The following RGS18 variants were observed in gnomAD, a reference collection of about 807,000 sequenced individuals.
RGS18 encodes regulator of G-protein signaling 18.
RGS18 carries 22 observed loss-of-function variants against 27.6 expected under a neutral mutation model. The observed-to-expected ratio is 0.80, with a 90% confidence interval of 0.57 to 1.14. The LOEUF is 1.14. Among genes scored for constraint, RGS18 ranks in the 50% most tolerant of loss-of-function variants. The pLI is 0.00. For missense variants in RGS18, 299 were observed against 269.6 expected (o/e 1.11, Z -0.76); for synonymous variants, 89 against 84.6 (o/e 1.05, Z -0.29).
rs573933190 is a variant in RGS18 at position 192,183,584 on chromosome 1, C to T, written c.451-713C>T. Among the ~76,000 whole-genome samples, 3 of 151,578 alleles carry T rather than the reference C, an allele frequency of 2.0e-5. No homozygotes were observed. In the South Asian group the frequency reaches 6.2e-4, roughly 31 times the overall value. Reference sequence around the variant, plus strand: ...CAGGAGAGAAGAAACAGATGAAATGCTAGTCAAGAATAGAGGAAAAAACCC... The same window carrying T: ...CAGGAGAGAAGAAACAGATGAAATGTTAGTCAAGAATAGAGGAAAAAACCC... On this transcript the variant is annotated intron_variant, in intron 4 of 4. Coordinates refer to ENST00000367460, the MANE Select transcript of RGS18 (RefSeq NM_130782.3).
chr1:192,163,822 A>G (rs1355957299), intron 3 of RGS18, among the ~76,000 whole-genome samples: 1 of 151,096 alleles, frequency 6.6e-6, no homozygotes, highest in African/African-American at 2.4e-5. Flanking sequence ...GTTTATTTCT[A>G]TTTATTTGAC....
chr1:192,170,102 G>A (rs893873764), intron 3 of RGS18, among the ~76,000 whole-genome samples: 11 of 152,136 alleles, frequency 7.2e-5, no homozygotes, highest in African/African-American at 2.4e-4. Context: ...CAGGCCAGTT[G>A]GTGCATAGAT....
intron 3 of RGS18, among the ~76,000 whole-genome samples, chr1:192,174,998 G>A (rs1656333339): frequency 6.6e-6 from 1 of 151,458 alleles, no homozygotes; most frequent in African/African-American, 2.4e-5. Flanking sequence ...ACCTTATTTA[G>A]ATTAAGTAAA....
intron 3 of RGS18, among the ~76,000 whole-genome samples, chr1:192,171,592 C>T (rs1427118280): frequency 6.6e-6 from 1 of 151,924 alleles, no homozygotes; most frequent in Non-Finnish European, 1.5e-5. Context: ...AATGAAGAGG[C>T]CGTGGTGCAG....
intron 3 of RGS18, chr1:192,169,293 C>T (rs1225488254): frequency 1.3e-5 from 2 of 152,084 alleles, no homozygotes; most frequent in African/African-American, 4.8e-5. Flanking sequence ...CACGCTTATG[C>T]ATAACATGTG....
Position 192,184,637 on chromosome 1 carries a change from C to A in RGS18, c.*83C>A. 3 of 1,348,276 alleles carry A rather than the reference C, an allele frequency of 2.2e-6. No homozygotes were observed. The highest frequency in any genetic ancestry group is 1.4e-5 in the South Asian group (1 of 72,660). The allele number at this position is 1,348,276 out of a possible 1,614,324, so 83.5% of individuals were successfully genotyped here. A position where few individuals can be genotyped will look rare whatever the true frequency, so the allele number is the denominator to read the frequency against. On this transcript the variant is annotated 3_prime_UTR_variant, in exon 5 of 5. Coordinates refer to ENST00000367460, the MANE Select transcript of RGS18 (RefSeq NM_130782.3). ...GCATGTTTATGTTAAGATTTGGTCC[C>A]ATCCTTTAAACTGAAATATGTCATG...
chr1:192,159,425 C>A lies in RGS18; in HGVS notation c.221+104C>A, dbSNP rs1656031532. 6 of 712,140 alleles carry A rather than the reference C, an allele frequency of 8.4e-6. No individual in the cohort carries two copies. In the South Asian group the frequency reaches 8.7e-5, roughly 10 times the overall value. The allele number at this position is 712,140 out of a possible 1,614,324, so 44.1% of individuals were successfully genotyped here. A position where few individuals can be genotyped will look rare whatever the true frequency, so the allele number is the denominator to read the frequency against. ...TTCTGATTTATTGAAAATTACACAG[C>A]AATATAAGGAAAGTTAGAAATTTCA... On this transcript the variant is annotated intron_variant, in intron 2 of 4. Transcript: ENST00000367460.
At chr1:192,183,835 A>T (rs1199820886) in intron 4 of RGS18, among the ~76,000 whole-genome samples, 1 of 151,650 alleles carries the variant, frequency 6.6e-6, no homozygotes, top group Non-Finnish European at 1.5e-5. Context: ...AAATAACTTC[A>T]ATTGGTTCAT....
intron 3 of RGS18, among the ~76,000 whole-genome samples, chr1:192,164,706 G>A (rs1203945971): frequency 2.6e-5 from 4 of 152,052 alleles, no homozygotes; most frequent in Non-Finnish European, 5.9e-5. Context: ...CCGAAAGAAG[G>A]GACCAGCTGA....
chr1:192,166,803 G>T (rs1656170837), intron 3 of RGS18, among the ~76,000 whole-genome samples: 1 of 152,100 alleles, frequency 6.6e-6, no homozygotes, highest in African/African-American at 2.4e-5. Context: ...AACATTTTTT[G>T]TCCATGGTAA....
chr1:192,180,459 T>G (rs1656431284), intron 3 of RGS18, among the ~76,000 whole-genome samples: 1 of 151,720 alleles, frequency 6.6e-6, no homozygotes, highest in African/African-American at 2.4e-5. Flanking sequence ...TCCACAAGAC[T>G]TAATACCTGC....
intron 3 of RGS18, among the ~76,000 whole-genome samples, chr1:192,165,591 C>A (rs1185915638): frequency 1.3e-5 from 2 of 152,156 alleles, no homozygotes; most frequent in Admixed American, 6.5e-5. Context: ...TGTGCTCTTT[C>A]CCTTTATTTC....
chr1:192,162,802 C>T (rs1027770266), intron 3 of RGS18, among the ~76,000 whole-genome samples: 20 of 152,120 alleles, frequency 1.3e-4, no homozygotes, highest in African/African-American at 4.3e-4. Flanking sequence ...TTTGGTACTG[C>T]ACTGCCCTTT....
intron 3 of RGS18, among the ~76,000 whole-genome samples, chr1:192,172,882 T>TATATATATATAA (rs1407068832): frequency 7.7e-4 from 81 of 104,890 alleles, no homozygotes; most frequent in African/African-American, 2.1e-3. Context: ...TATATATATA[T>TATATATATATAA]AAATATATAT....
chr1:192,159,181 C>A, intron 1 of RGS18, 39 bp from the exon 2 acceptor site: 1 of 1,437,248 alleles, frequency 7.0e-7, no homozygotes, highest in Non-Finnish European at 9.7e-7. Context: ...TTTTAACTGT[C>A]ATCTAAATTG....
chr1:192,176,646 C>A (rs1019394679), intron 3 of RGS18, among the ~76,000 whole-genome samples: 1 of 151,586 alleles, frequency 6.6e-6, no homozygotes, highest in African/African-American at 2.4e-5. Context: ...AATATCAAAT[C>A]AAGGGCTTTG....
intron 3 of RGS18, among the ~76,000 whole-genome samples, chr1:192,172,757 A>G (rs1476818736): frequency 6.6e-6 from 1 of 151,292 alleles, no homozygotes; most frequent in Non-Finnish European, 1.5e-5. Context: ...CCTGAACTAT[A>G]TTTAGTTCCT....
At chr1:192,170,911 T>C (rs1260217639) in intron 3 of RGS18, among the ~76,000 whole-genome samples, 2 of 152,088 alleles carry the variant, frequency 1.3e-5, no homozygotes, top group African/African-American at 2.4e-5. Flanking sequence ...ACAAACTGCT[T>C]TTATACAAGT....
Position 192,159,247 on chromosome 1 carries a change from T to C in RGS18, c.147T>C (p.Ser49=), listed in dbSNP as rs890067237. The C allele has an allele frequency of 3.1e-6, 5 of 1,613,362 alleles. No individual in the cohort carries two copies. The highest frequency in any genetic ancestry group is 2.7e-5 in the African/African-American group (2 of 74,906). ...CTAAGGAAAAAAGAAATAGACTAAG[T>C]CTTCTTGTGCAGAAACCTGAGTTTC... ...IRAKEKRNRL[S]LLVQKPEFHE... Residue 49 remains serine (S), a synonymous_variant, in exon 2 of 5, where the codon AGT becomes AGC. Transcript: ENST00000367460.
Sources: allele counts gnomAD v4.1 joint callset (sites outside exome capture counted in the v4.1 genomes callset), GRCh38; gene constraint gnomAD v4.1.1; transcripts MANE v1.5; gene names NCBI Gene and HGNC (gene_info 2026-07-23, HGNC 2026-07-21).